TTC39A: variants seen among roughly 807,000 people sequenced by gnomAD.
TTC39A encodes tetratricopeptide repeat protein 39A.
Under a neutral mutation model 82.3 loss-of-function variants are expected in TTC39A, and 46 were observed. The ratio of observed to expected loss-of-function variants is 0.56; its 90% CI spans 0.44 to 0.71. The LOEUF (loss-of-function observed/expected upper bound fraction) is 0.71. Among genes scored for constraint, TTC39A ranks in the 30% least tolerant of loss-of-function variants. The probability of loss-of-function intolerance (pLI) is 0.00; values close to 1 mark genes in which losing one functional copy is unlikely to be tolerated. For missense variants in TTC39A, 543 were observed against 712.9 expected, an observed-to-expected ratio of 0.76 and a Z score of 2.71; for synonymous variants, 254 against 275.2, an observed-to-expected ratio of 0.92 and a Z score of 0.76.
At chr1:51,320,320 C>A (rs1425991948) in intron 2 of TTC39A, among the ~76,000 whole-genome samples, 1 of 151,792 alleles carries the variant, frequency 6.6e-6, no homozygotes, top group African/African-American at 2.4e-5. Flanking sequence ...TAGTCTCGCA[C>A]ATGATTTTCT....
chr1:51,306,152 G>T, intron 6 of TTC39A, 76 bp from the exon 7 acceptor site: 1 of 1,261,106 alleles, frequency 7.9e-7, no homozygotes, highest in Non-Finnish European at 1.2e-6. Flanking sequence ...TTCCAGCTGG[G>T]CCTCAGGTAA....
rs1644053385 is a variant in TTC39A at position 51,288,057 on chromosome 1, C to G, written c.*100G>C. On this transcript the variant is annotated 3_prime_UTR_variant, in exon 18 of 18. Transcript: ENST00000680483. This position sits in a 1 kb window ranked among gnomAD's most constrained non-coding sequence, Gnocchi z 4.8. ...CCATCCAACTGGAGTGCCGGTGGACCCCAAAGGCAGGGCAGGGCAGGGGGA... is the reference window on the plus strand; with the variant it reads ...CCATCCAACTGGAGTGCCGGTGGACGCCAAAGGCAGGGCAGGGCAGGGGGA... 2 of 1,516,504 alleles carry G rather than the reference C, an allele frequency of 1.3e-6. No homozygotes were observed. The highest frequency in any genetic ancestry group is 2.2e-4 in the Middle Eastern group (1 of 4,550). The allele number at this position is 1,516,504 out of a possible 1,614,324, so 93.9% of individuals were successfully genotyped here. A position where few individuals can be genotyped will look rare whatever the true frequency, so the allele number is the denominator to read the frequency against.
rs773802039 is a variant in TTC39A at position 51,301,726 on chromosome 1, C to G, written c.899G>C (p.Arg300Pro). ...VIKGNIDAAI[R>P]RFEECCEAQQ... ...GGCCTCACAGCACTCCTCGAAACGC[C>G]GGATGGCCTGCAGGCACCTTCTGGT... The change falls in exon 12 of 18, where the codon CGG becomes CCG. Residue 300 changes from arginine to proline, a missense_variant. Transcript: ENST00000680483. The G allele has an allele frequency of 6.2e-7, 1 of 1,604,446 alleles. No homozygotes were observed. The highest frequency in any genetic ancestry group is 8.5e-7 in the Non-Finnish European group (1 of 1,173,226).
At chr1:51,329,109 CG>C (rs1645817744) in intron 1 of TTC39A, among the ~76,000 whole-genome samples, 1 of 152,166 alleles carries the variant, frequency 6.6e-6, no homozygotes, top group Admixed American at 6.5e-5. Context: ...CAGAGGTGCC[CG>C]GGGTTGTAGA....
At chr1:51,344,569 C>T (rs1646074022) in intron 1 of TTC39A, among the ~76,000 whole-genome samples, 1 of 152,220 alleles carries the variant, frequency 6.6e-6, no homozygotes, top group Non-Finnish European at 1.5e-5. Context: ...ACACAGAGCC[C>T]TGGCTTCATC....
chr1:51,311,206 A>C, intron 5 of TTC39A, 48 bp downstream of exon 5: 1 of 1,532,504 alleles, frequency 6.5e-7, no homozygotes, highest in Non-Finnish European at 8.8e-7. Flanking sequence ...GGACGTGGAA[A>C]CTGATCTTCT....
chr1:51,328,119 A>C (rs1033937988), intron 1 of TTC39A, among the ~76,000 whole-genome samples: 6 of 152,206 alleles, frequency 3.9e-5, no homozygotes, highest in African/African-American at 1.2e-4. Flanking sequence ...AGGCCAAGGA[A>C]GGAGGATCGC....
chr1:51,321,870 T>TCCAG lies in TTC39A; in HGVS notation c.42-49_42-46dup. On this transcript the variant is annotated intron_variant, in intron 1 of 17. Coordinates refer to ENST00000680483, the MANE Select transcript of TTC39A (RefSeq NM_001297663.2). This position sits in a 1 kb window ranked among gnomAD's most constrained non-coding sequence, Gnocchi z 4.6. ...GCATGACACAGGGGCCCTCCAACCC[T>TCCAG]CCAGCCTCTCCTGGCTGGAACAGAG... The TCCAG allele has an allele frequency of 6.4e-7, 1 of 1,550,450 alleles. No individual in the cohort carries two copies. The highest frequency in any genetic ancestry group is 8.8e-7 in the Non-Finnish European group (1 of 1,135,664).
At chr1:51,309,407 G>C (rs1171270200) in intron 5 of TTC39A, 82 bp from the exon 6 acceptor site, 1 of 1,602,330 alleles carries the variant, frequency 6.2e-7, no homozygotes, top group East Asian at 2.3e-5. Flanking sequence ...CTCTGGGCCT[G>C]ACTGCCCCTC....
Position 51,290,492 on chromosome 1 carries a change from CCA to C in TTC39A, c.1378+20_1378+21del, listed in dbSNP as rs1644167314. The C allele has an allele frequency of 6.2e-7, 1 of 1,607,596 alleles. No homozygotes were observed. The highest frequency in any genetic ancestry group is 8.5e-7 in the Non-Finnish European group (1 of 1,176,314). Reference sequence around the variant, plus strand: ...AAAGACCTGACCTAGCATGGCAGGCCCAAGGGCCTGAGGGAAGTCACCTGGGC... The same window carrying C: ...AAAGACCTGACCTAGCATGGCAGGCCAGGGCCTGAGGGAAGTCACCTGGGC... On this transcript the variant is annotated intron_variant, in intron 15 of 17. Coordinates refer to ENST00000680483, the MANE Select transcript of TTC39A (RefSeq NM_001297663.2).
chr1:51,336,290 T>A (rs1645973308), upstream of TTC39A, among the ~76,000 whole-genome samples: 1 of 152,158 alleles, frequency 6.6e-6, no homozygotes, highest in South Asian at 2.1e-4. Flanking sequence ...TTCCTGCTCC[T>A]TGGGCAGGCA....
chr1:51,296,454 A>G (rs1366741036), intron 12 of TTC39A, among the ~76,000 whole-genome samples: 1 of 152,242 alleles, frequency 6.6e-6, no homozygotes, highest in Non-Finnish European at 1.5e-5. Context: ...ACACAAGGAC[A>G]GGGGCGCACT....
At chr1:51,289,594 C>T (rs1644124202) in intron 16 of TTC39A, among the ~76,000 whole-genome samples, 1 of 152,150 alleles carries the variant, frequency 6.6e-6, no homozygotes, top group African/African-American at 2.4e-5. Context: ...CTGGTATCTC[C>T]CATTAAGTTT....
chr1:51,337,369 G>C (rs1292518795), intron 1 of TTC39A, among the ~76,000 whole-genome samples: 1 of 151,760 alleles, frequency 6.6e-6, no homozygotes, highest in Non-Finnish European at 1.5e-5. Flanking sequence ...ACCTTCTTCG[G>C]GTCTCAGCTC....
intron 1 of TTC39A, among the ~76,000 whole-genome samples, chr1:51,327,988 C>T (rs940824453): frequency 6.6e-6 from 1 of 152,126 alleles, no homozygotes; most frequent in East Asian, 1.9e-4. Flanking sequence ...TGAGCAACTG[C>T]GTGCGGCTTT....
intron 1 of TTC39A, among the ~76,000 whole-genome samples, chr1:51,338,433 C>T (rs1165351769): frequency 6.6e-6 from 1 of 151,706 alleles, no homozygotes; most frequent in African/African-American, 2.4e-5. Flanking sequence ...TCTTGCATTA[C>T]AGATCACAGA....
In TTC39A at chr1:51,302,539, C is replaced by T; in HGVS notation, c.798G>A (p.Lys266=). Reference sequence around the variant, plus strand: ...ACCGGTTCAGGTAGGGCTTCAAGAGCTTCTCGGCCTCCTCGATGTTGACGT... The same window carrying T: ...ACCGGTTCAGGTAGGGCTTCAAGAGTTTCTCGGCCTCCTCGATGTTGACGT... ...TGNVNIEEAE[K]LLKPYLNRYP... Residue 266 remains lysine (K), a synonymous_variant, in exon 10 of 18, where the codon AAG becomes AAA. Coordinates refer to ENST00000680483, the MANE Select transcript of TTC39A (RefSeq NM_001297663.2). 1 of 1,608,580 alleles carries T rather than the reference C, an allele frequency of 6.2e-7. No individual in the cohort carries two copies. Among genetic ancestry groups the T allele is most frequent in the Non-Finnish European group, 8.5e-7 (1 of 1,177,544 alleles).
chr1:51,327,033 G>A (rs1157054169), intron 1 of TTC39A, among the ~76,000 whole-genome samples: 2 of 152,242 alleles, frequency 1.3e-5, no homozygotes, highest in Non-Finnish European at 2.9e-5. Context: ...GAGGGTGGGA[G>A]GGGGTGTCAG....
At chr1:51,338,665 C>T (rs1256250892) in intron 1 of TTC39A, among the ~76,000 whole-genome samples, 2 of 141,444 alleles carry the variant, frequency 1.4e-5, no homozygotes, top group African/African-American at 2.7e-5. Context: ...CGTAGTGGTA[C>T]GATCTTGGCT....
Sources: allele counts gnomAD v4.1 joint callset (sites outside exome capture counted in the v4.1 genomes callset), GRCh38; gene constraint gnomAD v4.1.1; non-coding constraint Gnocchi (gnomAD v3.1); transcripts MANE v1.5; gene names NCBI Gene and HGNC (gene_info 2026-07-23, HGNC 2026-07-21).